NSG2: variants seen among roughly 807,000 people sequenced by gnomAD.
NSG2 encodes neuronal vesicle trafficking-associated protein 2.
A neutral mutation model predicts 16.9 loss-of-function variants in NSG2; 4 were observed. That is an observed-to-expected ratio of 0.24 (90% CI 0.12 to 0.54). The LOEUF is 0.54. NSG2 is among the 20% of genes least tolerant of loss of function. The pLI, the probability that NSG2 is intolerant of heterozygous loss-of-function variation, is 0.95. For synonymous variants in NSG2, 98 were observed against 88.7 expected, an observed-to-expected ratio of 1.11 and a Z score of -0.59; for missense variants, 179 against 221.1, an observed-to-expected ratio of 0.81 and a Z score of 1.21.
intron 3 of NSG2, chr5:174,081,421 T>C (rs763429016): frequency 1.3e-5 from 2 of 152,216 alleles, no homozygotes; most frequent in Non-Finnish European, 2.9e-5. Flanking sequence ...TGACTTGGCA[T>C]TATGATAAAT....
chr5:174,052,149 C>T (rs1247524608), intron 2 of NSG2, among the ~76,000 whole-genome samples: 2 of 152,182 alleles, frequency 1.3e-5, no homozygotes, highest in African/African-American at 2.4e-5. Flanking sequence ...CAGTCCTCCA[C>T]GCAGCACCAG....
chr5:174,055,618 A>G (rs1245669504), intron 2 of NSG2, among the ~76,000 whole-genome samples: 3 of 152,110 alleles, frequency 2.0e-5, no homozygotes, highest in African/African-American at 7.2e-5. Context: ...AAAAATAAAA[A>G]TAAAAAAGTA....
At chr5:174,051,341 G>A (rs1759886014) in intron 2 of NSG2, among the ~76,000 whole-genome samples, 3 of 152,136 alleles carry the variant, frequency 2.0e-5, no homozygotes, top group Admixed American at 6.5e-5. Flanking sequence ...TCCCCAGGAT[G>A]TTCCATGCCT....
intron 3 of NSG2, among the ~76,000 whole-genome samples, chr5:174,089,358 AAAGTGTAC>A (rs1490353790): frequency 3.3e-5 from 5 of 152,160 alleles, no homozygotes; most frequent in African/African-American, 1.2e-4. Context: ...GAGGCAGTCC[AAAGTGTAC>A]GCCGCCACCA....
intron 3 of NSG2, among the ~76,000 whole-genome samples, chr5:174,071,441 C>A (rs573803333): frequency 1.3e-5 from 2 of 152,132 alleles, no homozygotes; most frequent in African/African-American, 4.8e-5. Flanking sequence ...GAGCTGAGAT[C>A]GCACCACTGC....
intron 1 of NSG2, chr5:174,046,048 G>A (rs908268492): frequency 5.3e-5 from 8 of 150,576 alleles, no homozygotes; most frequent in Non-Finnish European, 1.2e-4. Flanking sequence ...TGTTTATTTA[G>A]TTGGCAATCC....
intron 3 of NSG2, among the ~76,000 whole-genome samples, chr5:174,098,242 A>C (rs1011253670): frequency 3.9e-5 from 6 of 152,186 alleles, no homozygotes; most frequent in Admixed American, 3.9e-4. Flanking sequence ...TGGAGGGGAC[A>C]GTGTGAACCA....
chr5:174,072,942 C>T lies in NSG2; in HGVS notation c.213+8627C>T, dbSNP rs780544427. 6.6e-5 allele frequency among the ~76,000 whole-genome samples: 10 copies of T among 152,124 alleles called. No individual in the cohort carries two copies. Among genetic ancestry groups the T allele is most frequent in the Non-Finnish European group, 1.2e-4 (8 of 68,032 alleles). On this transcript the variant is annotated intron_variant, in intron 3 of 4. Coordinates refer to ENST00000303177, the MANE Select transcript of NSG2 (RefSeq NM_015980.5). The surrounding 1 kb of genome is among the most constrained non-coding windows in gnomAD (Gnocchi z 4.0). ...TGAGGCTGCAGTGAGCCGGATTGTG[C>T]CACTGCACTCCAACCTGGGTAACAG... is the stretch of plus-strand genomic sequence containing the variant.
intron 3 of NSG2, among the ~76,000 whole-genome samples, chr5:174,093,491 C>T (rs1581239968): frequency 6.6e-6 from 1 of 152,164 alleles, no homozygotes; most frequent in Non-Finnish European, 1.5e-5. Context: ...GACCTTCTGG[C>T]TTCGAAGGCT....
intron 3 of NSG2, among the ~76,000 whole-genome samples, chr5:174,095,891 G>T (rs113258791): frequency 3.2e-4 from 49 of 152,306 alleles, no homozygotes; most frequent in African/African-American, 9.6e-4. Flanking sequence ...CACACTGTAG[G>T]TGCTCAGTTA....
intron 3 of NSG2, among the ~76,000 whole-genome samples, chr5:174,077,877 T>G (rs1308135362): frequency 6.6e-6 from 1 of 152,138 alleles, no homozygotes; most frequent in Admixed American, 6.5e-5. Flanking sequence ...TGTTTTAAAA[T>G]AAGAATAACA....
At chr5:174,061,069 G>A (rs1317966297) in intron 2 of NSG2, among the ~76,000 whole-genome samples, 3 of 152,078 alleles carry the variant, frequency 2.0e-5, no homozygotes, top group African/African-American at 7.2e-5. Flanking sequence ...CCCAAGGCTT[G>A]TGGCTCATGC....
At chr5:174,068,568 A>G (rs995207899) in intron 3 of NSG2, among the ~76,000 whole-genome samples, 2 of 122,784 alleles carry the variant, frequency 1.6e-5, no homozygotes, top group East Asian at 2.0e-4. Flanking sequence ...TTTCCTGGTG[A>G]TCCTGGTGCT....
chr5:174,084,217 G>A (rs775288524), intron 3 of NSG2: 11 of 152,198 alleles, frequency 7.2e-5, no homozygotes, highest in Non-Finnish European at 1.2e-4. Flanking sequence ...GAGAAACCAA[G>A]CAAAGTGCTC....
intron 2 of NSG2, 81 bp downstream of exon 2, chr5:174,046,965 C>A (rs900745137): frequency 7.7e-5 from 109 of 1,422,442 alleles, no homozygotes; most frequent in Non-Finnish European, 1.0e-4. Flanking sequence ...TTCCACCCCC[C>A]AAATCCTTTC....
intron 3 of NSG2, among the ~76,000 whole-genome samples, chr5:174,075,595 C>A (rs1205909878): frequency 6.6e-6 from 1 of 152,120 alleles, no homozygotes; most frequent in Non-Finnish European, 1.5e-5. Flanking sequence ...AAAAGAGAAG[C>A]GACAATTTCC....
intron 2 of NSG2, among the ~76,000 whole-genome samples, chr5:174,050,058 A>G (rs1457332346): frequency 6.6e-6 from 1 of 152,110 alleles, no homozygotes; most frequent in African/African-American, 2.4e-5. Flanking sequence ...CTTCTAGTGT[A>G]TAGAATGGGG....
In NSG2 at chr5:174,108,370, G is replaced by A. The variant is rs1761018338; in HGVS notation, c.*865G>A. 6.4e-6 allele frequency: 1 copy of A among 155,224 alleles called. No individual in the cohort carries two copies. Among genetic ancestry groups the A allele is most frequent in the African/African-American group, 2.4e-5 (1 of 41,432 alleles). 9.6% of individuals were successfully genotyped at this position (155,224 alleles called of 1,614,324 possible). On this transcript the variant is annotated 3_prime_UTR_variant, in exon 5 of 5. Transcript: ENST00000303177. The stretch of plus-strand genomic sequence containing the variant: ...GGTGCGGCTGCAAGAAGGAAGGCAC[G>A]GGACAGGCATGTGACACTAGGCCAC...
intron 2 of NSG2, among the ~76,000 whole-genome samples, chr5:174,063,612 A>G (rs180946763): frequency 1.2e-3 from 182 of 150,700 alleles, no homozygotes; most frequent in African/African-American, 4.4e-3. Context: ...GGTACATGGT[A>G]TATATATTTT....
Sources: gnomAD v4.1 joint callset for allele counts (sites outside exome capture counted in the v4.1 genomes callset) on GRCh38, gnomAD v4.1.1 for gene constraint, Gnocchi (gnomAD v3.1) non-coding constraint, MANE v1.5 for transcripts, NCBI Gene and HGNC (gene_info 2026-07-23, HGNC 2026-07-21) for gene names.